Variants in ZNF362 observed in about 807,000 individuals in gnomAD.
The protein encoded by ZNF362 is rotund homolog.
ZNF362 carries 11 observed loss-of-function variants against 42.9 expected under a neutral mutation model. The observed-to-expected ratio is 0.26, with a 90% CI of 0.16 to 0.42. ZNF362 has a LOEUF of 0.42. Ranked by LOEUF, ZNF362 falls within the 20% of genes least tolerant of loss-of-function variation. The pLI is 1.00. For synonymous variants in ZNF362, 255 were observed against 257.3 expected, an observed-to-expected ratio of 0.99 and a Z score of 0.09; for missense variants, 362 against 576.2, an observed-to-expected ratio of 0.63 and a Z score of 3.81.
At chr1:33,147,621 C>T in the ZNF362 span, 1 of 1,614,068 alleles carries the variant, frequency 6.2e-7, no homozygotes, top group Non-Finnish European at 8.5e-7. This position sits in a 1 kb window ranked among gnomAD's most constrained non-coding sequence, Gnocchi z 8.1. Flanking sequence ...TTGGCGAGTC[C>T]TGCAGTGGCT....
the ZNF362 span, chr1:33,195,987 C>G: frequency 2.6e-5 from 4 of 152,148 alleles, no homozygotes; most frequent in African/African-American, 9.7e-5. Flanking sequence ...CGTTGTACAG[C>G]TGTACTAAAA....
chr1:33,160,631 C>T, the ZNF362 span, among the ~76,000 whole-genome samples: 1 of 152,082 alleles, frequency 6.6e-6, no homozygotes, highest in Non-Finnish European at 1.5e-5. Context: ...TCTCAAACAC[C>T]TGACGTTAGG....
At chr1:33,182,476 A>G in the ZNF362 span, among the ~76,000 whole-genome samples, 855 of 152,344 alleles carry the variant, frequency 5.6e-3, 2 homozygotes, top group Middle Eastern at 0.01. Flanking sequence ...CACACTCCTA[A>G]GCCCTGGGGT....
the ZNF362 span, among the ~76,000 whole-genome samples, chr1:33,197,252 G>A: frequency 6.6e-6 from 1 of 152,184 alleles, no homozygotes; most frequent in Non-Finnish European, 1.5e-5. Flanking sequence ...GTCAGACTCA[G>A]ACTGAGCCAC....
At chr1:33,272,862 C>G (rs144003854) in intron 2 of ZNF362, among the ~76,000 whole-genome samples, 1,989 of 152,354 alleles carry the variant, frequency 0.013, 23 homozygotes, top group Non-Finnish European at 0.019. Flanking sequence ...GTTCACTGTC[C>G]CAAGCCTGCC....
At chr1:33,193,236 C>A in the ZNF362 span, among the ~76,000 whole-genome samples, 2 of 152,140 alleles carry the variant, frequency 1.3e-5, no homozygotes, top group African/African-American at 4.8e-5. Context: ...TAATCACAAT[C>A]TGCATTAGTA....
chr1:33,298,849 A>G (rs1252811948), intron 8 of ZNF362, 81 bp from the exon 9 acceptor site: 5 of 1,232,012 alleles, frequency 4.1e-6, no homozygotes, highest in Non-Finnish European at 4.8e-6. Context: ...AGAGCCCTCC[A>G]GTGGCTGCTG....
the ZNF362 span, chr1:33,147,220 C>A: frequency 6.2e-7 from 1 of 1,613,878 alleles, no homozygotes; most frequent in Middle Eastern, 1.6e-4. The surrounding 1 kb of genome is among the most constrained non-coding windows in gnomAD (Gnocchi z 8.1). Flanking sequence ...AACGTTCTTG[C>A]CATTGGCGTG....
upstream of ZNF362, among the ~76,000 whole-genome samples, chr1:33,255,726 G>A (rs1187428847): frequency 1.3e-5 from 2 of 152,158 alleles, no homozygotes; most frequent in African/African-American, 4.8e-5. Context: ...AGGGAGGGGT[G>A]GCTGGGCCTG....
chr1:33,275,219 C>T, intron 2 of ZNF362: 2 of 985,426 alleles, frequency 2.0e-6, no homozygotes, highest in Non-Finnish European at 1.2e-6. Context: ...TCTAGGGTAG[C>T]AGGAAGACAA....
In ZNF362 at chr1:33,294,389, G is replaced by C. The variant is rs1646101957; in HGVS notation, c.909-548G>C. On this transcript the variant is annotated intron_variant, in intron 6 of 8. Coordinates refer to ENST00000539719, the MANE Select transcript of ZNF362 (RefSeq NM_152493.3). The surrounding 1 kb of genome is among the most constrained non-coding windows in gnomAD (Gnocchi z 4.2). Reference sequence around the variant, plus strand: ...GAGCTCTCAGGAAGGACACAGAGGGGCTGAGCTTCAGGGCCATGCTGTCCC... The same window carrying C: ...GAGCTCTCAGGAAGGACACAGAGGGCCTGAGCTTCAGGGCCATGCTGTCCC... Among the ~76,000 whole-genome samples the C allele has an allele frequency of 6.6e-6, 1 of 152,194 alleles. No homozygotes were observed. The highest frequency in any genetic ancestry group is 1.5e-5 in the Non-Finnish European group (1 of 68,032).
chr1:33,259,022 G>A (rs1311816576), intron 1 of ZNF362, among the ~76,000 whole-genome samples: 1 of 152,158 alleles, frequency 6.6e-6, no homozygotes, highest in Non-Finnish European at 1.5e-5. Flanking sequence ...TGAACCCAGT[G>A]ACTGTGTAAA....
At chr1:33,161,137 G>A in the ZNF362 span, among the ~76,000 whole-genome samples, 1 of 152,204 alleles carries the variant, frequency 6.6e-6, no homozygotes, top group Non-Finnish European at 1.5e-5. The surrounding 1 kb of genome is among the most constrained non-coding windows in gnomAD (Gnocchi z 4.3). Context: ...AAATGAGGGG[G>A]TGTTGTTGTG....
the ZNF362 span, among the ~76,000 whole-genome samples, chr1:33,177,989 C>T: frequency 6.6e-6 from 1 of 152,154 alleles, no homozygotes; most frequent in African/African-American, 2.4e-5. The surrounding 1 kb of genome is among the most constrained non-coding windows in gnomAD (Gnocchi z 4.1). Context: ...ATTGAGATTA[C>T]CTGGGTACAA....
upstream of ZNF362, among the ~76,000 whole-genome samples, chr1:33,252,431 GA>G (rs1645767037): frequency 6.6e-6 from 1 of 152,198 alleles, no homozygotes; most frequent in African/African-American, 2.4e-5. Flanking sequence ...TGGTAACTGA[GA>G]AGGTCACAAG....
the ZNF362 span, among the ~76,000 whole-genome samples, chr1:33,183,133 C>T: frequency 7.9e-5 from 12 of 152,096 alleles, no homozygotes; most frequent in Non-Finnish European, 1.2e-4. Flanking sequence ...AGGTGAGACC[C>T]GAACTGGGGC....
the ZNF362 span, among the ~76,000 whole-genome samples, chr1:33,157,541 T>TC: frequency 8.3e-3 from 1,270 of 152,256 alleles, 17 homozygotes; most frequent in African/African-American, 0.029. Context: ...TGATTTACTT[T>TC]TGTCTACTTT....
At chr1:33,228,159 A>T in the ZNF362 span, among the ~76,000 whole-genome samples, 1 of 151,494 alleles carries the variant, frequency 6.6e-6, no homozygotes, top group African/African-American at 2.4e-5. Context: ...GTCCTCCAGG[A>T]CCCCAAATCT....
the ZNF362 span, among the ~76,000 whole-genome samples, chr1:33,193,004 C>CACATATAT: frequency 1.5e-4 from 21 of 137,294 alleles, no homozygotes; most frequent in East Asian, 3.4e-3. Flanking sequence ...CACACACACA[C>CACATATAT]ATATATATAT....
Sources: gnomAD v4.1 joint callset for allele counts (sites outside exome capture counted in the v4.1 genomes callset) on GRCh38, gnomAD v4.1.1 for gene constraint, Gnocchi (gnomAD v3.1) non-coding constraint, MANE v1.5 for transcripts, NCBI Gene and HGNC (gene_info 2026-07-23, HGNC 2026-07-21) for gene names.